ARHGAP39: variants seen among roughly 807,000 people sequenced by gnomAD.
ARHGAP39 encodes rho GTPase-activating protein 39.
ARHGAP39 carries 44 observed loss-of-function variants against 106.9 expected under a neutral mutation model. That is an observed-to-expected ratio of 0.41 (90% CI 0.32 to 0.53). The LOEUF is 0.53. Among genes scored for constraint, ARHGAP39 ranks in the 20% least tolerant of loss-of-function variants. The pLI, the probability that ARHGAP39 is intolerant of heterozygous loss-of-function variation, is 0.21. For synonymous variants in ARHGAP39, 768 were observed against 693.2 expected (o/e 1.11, Z -1.69); for missense variants, 1,496 against 1,577.3 (o/e 0.95, Z 0.87).
At chr8:144,697,526 T>G in the ARHGAP39 span, among the ~76,000 whole-genome samples, 1 of 152,154 alleles carries the variant, frequency 6.6e-6, no homozygotes, top group Non-Finnish European at 1.5e-5. Context: ...TTTTTCTTTT[T>G]CTTTTTTTTT....
At chr8:144,676,322 T>C (rs1424347114) in intron 1 of ARHGAP39, among the ~76,000 whole-genome samples, 1 of 152,090 alleles carries the variant, frequency 6.6e-6, no homozygotes, top group Admixed American at 6.5e-5. Flanking sequence ...GCATTTACAA[T>C]ACTTTAGCTA....
chr8:144,589,751 C>T (rs536441630), intron 2 of ARHGAP39, among the ~76,000 whole-genome samples: 9 of 152,372 alleles, frequency 5.9e-5, no homozygotes, highest in Non-Finnish European at 8.8e-5. Context: ...AAGACGAGCT[C>T]GGAGGCCTCC....
rs1017546031 is a variant in ARHGAP39, at chr8:144,591,193, C to T, written c.81-9916G>A. Among the ~76,000 whole-genome samples the T allele has an allele frequency of 1.3e-5, 2 of 152,200 alleles. No homozygotes were observed. Among genetic ancestry groups the T allele is most frequent in the Admixed American group, 6.5e-5 (1 of 15,282 alleles). On this transcript the variant is annotated intron_variant, in intron 2 of 11. Coordinates refer to ENST00000377307, the MANE Select transcript of ARHGAP39 (RefSeq NM_025251.3). This position sits in a 1 kb window ranked among gnomAD's most constrained non-coding sequence, Gnocchi z 5.3. The stretch of plus-strand genomic sequence containing the variant: ...AGCAGGTGCCTTCCCTGTCCATACA[C>T]CTCCTCTCCCCAGCCGGAGCCTGGA...
intron 4 of ARHGAP39, among the ~76,000 whole-genome samples, chr8:144,550,135 A>ATGG (rs1318895152): frequency 6.6e-6 from 1 of 152,056 alleles, no homozygotes; most frequent in East Asian, 1.9e-4. Flanking sequence ...TTAGCCGAAC[A>ATGG]TGGTGGTGTG....
At chr8:144,616,691 G>A (rs1032326021) in intron 1 of ARHGAP39, among the ~76,000 whole-genome samples, 12 of 152,350 alleles carry the variant, frequency 7.9e-5, no homozygotes, top group East Asian at 1.9e-4. Flanking sequence ...ATCCAGGTGC[G>A]GCACAGTGGC....
intron 2 of ARHGAP39, among the ~76,000 whole-genome samples, chr8:144,597,886 C>T (rs746528706): frequency 5.3e-5 from 8 of 152,058 alleles, no homozygotes; most frequent in Admixed American, 6.6e-5. Flanking sequence ...CAACATGCAA[C>T]GGTACCCGGA....
At chr8:144,608,623 C>T (rs900560579) in intron 1 of ARHGAP39, among the ~76,000 whole-genome samples, 7 of 152,186 alleles carry the variant, frequency 4.6e-5, no homozygotes, top group African/African-American at 1.2e-4. Context: ...ATCAGCTTCT[C>T]GATTTCTACA....
intron 1 of ARHGAP39, among the ~76,000 whole-genome samples, chr8:144,619,612 C>G (rs1019946717): frequency 1.5e-5 from 2 of 134,722 alleles, no homozygotes; most frequent in Non-Finnish European, 3.2e-5. Flanking sequence ...GCGTGCATGT[C>G]CGTGTGTGAG....
intron 7 of ARHGAP39, among the ~76,000 whole-genome samples, chr8:144,535,542 G>A (rs536101430): frequency 2.0e-5 from 3 of 152,256 alleles, no homozygotes; most frequent in African/African-American, 7.2e-5. Context: ...AGGAGGGAAT[G>A]AGCTTTGCAG....
chr8:144,533,634 C>T (rs931865221), intron 8 of ARHGAP39, among the ~76,000 whole-genome samples: 1 of 152,250 alleles, frequency 6.6e-6, no homozygotes, highest in South Asian at 2.1e-4. Flanking sequence ...TCACCGTCTA[C>T]AGCACCAGCT....
intron 1 of ARHGAP39, among the ~76,000 whole-genome samples, chr8:144,619,463 T>TGA (rs1820728240): frequency 6.6e-6 from 1 of 151,426 alleles, no homozygotes; most frequent in African/African-American, 2.4e-5. Context: ...CGTGTGCGCG[T>TGA]GAGCTCGTGT....
At position 144,591,161 on chromosome 8, in the gene ARHGAP39, G is replaced by A. The variant is rs1221648763; in HGVS notation, c.81-9884C>T. Among the ~76,000 whole-genome samples, 2 of 152,162 alleles carry A rather than the reference G, an allele frequency of 1.3e-5. No homozygotes were observed. Among genetic ancestry groups the A allele is most frequent in the Non-Finnish European group, 2.9e-5 (2 of 68,012 alleles). The stretch of plus-strand genomic sequence containing the variant: ...TGGGGTGCAAGGCCAGAGGCTCACG[G>A]TCCCCCAGCAGGTGCCTTCCCTGTC... On this transcript the variant is annotated intron_variant, in intron 2 of 11. Coordinates refer to ENST00000377307, the MANE Select transcript of ARHGAP39 (RefSeq NM_025251.3). This position sits in a 1 kb window ranked among gnomAD's most constrained non-coding sequence, Gnocchi z 5.3.
intron 6 of ARHGAP39, 75 bp downstream of exon 6, chr8:144,545,174 C>T: frequency 7.4e-7 from 1 of 1,347,916 alleles, no homozygotes; most frequent in African/African-American, 1.4e-5. Context: ...ACTTCACCAG[C>T]TGCCGCCCAG....
chr8:144,675,869 C>T (rs977959842), intron 1 of ARHGAP39, among the ~76,000 whole-genome samples: 2 of 151,788 alleles, frequency 1.3e-5, no homozygotes, highest in African/African-American at 2.4e-5. Context: ...CCGGTGGGTT[C>T]GTGGTCTTCC....
At position 144,530,332 on chromosome 8, in the gene ARHGAP39, G is replaced by A; in HGVS notation, c.*90C>T. 1 of 1,399,152 alleles carries A rather than the reference G, an allele frequency of 7.1e-7. No individual in the cohort carries two copies. The highest frequency in any genetic ancestry group is 2.5e-5 in the East Asian group (1 of 39,722). 86.7% of individuals were successfully genotyped at this position (1,399,152 alleles called of 1,614,324 possible). ...GGAGGGGGCTCCAGGGCTGGGCCGG[G>A]CGATTCTGGCCCCTCTGCCGGGAGA... On this transcript the variant is annotated 3_prime_UTR_variant, in exon 12 of 12. Transcript: ENST00000377307.
the ARHGAP39 span, chr8:144,698,605 G>GTTTTT: frequency 3.8e-6 from 1 of 262,642 alleles, no homozygotes; most frequent in Non-Finnish European, 7.6e-6. Context: ...TCTCTAATCT[G>GTTTTT]TTTTTTTTTT....
At chr8:144,546,054 G>A (rs1486862871) in intron 5 of ARHGAP39, among the ~76,000 whole-genome samples, 5 of 152,326 alleles carry the variant, frequency 3.3e-5, no homozygotes, top group Non-Finnish European at 4.4e-5. Flanking sequence ...GCCTGCTGAT[G>A]GGTGACCCAG....
At chr8:144,545,900 T>C in intron 5 of ARHGAP39, 90 bp from the exon 6 acceptor site, 4 of 1,252,628 alleles carry the variant, frequency 3.2e-6, no homozygotes, top group South Asian at 1.6e-5. Context: ...AAGTGTGAGC[T>C]GGGGCCCCAC....
chr8:144,620,551 G>A lies in ARHGAP39; in HGVS notation c.-81-14856C>T, dbSNP rs1051711507. Among the ~76,000 whole-genome samples the A allele has an allele frequency of 1.1e-4, 16 of 145,806 alleles. 1 individual carries two copies. Among genetic ancestry groups the A allele is most frequent in the Admixed American group, 7.3e-4 (11 of 15,150 alleles). On this transcript the variant is annotated intron_variant, in intron 1 of 11. Transcript: ENST00000377307. Reference sequence around the variant, plus strand: ...TGTGTCCCTGAGAGCATATATGCCCGTGTGCGTGAGCTTGTGTGTCCATGA... The same window carrying A: ...TGTGTCCCTGAGAGCATATATGCCCATGTGCGTGAGCTTGTGTGTCCATGA...
Sources: allele counts gnomAD v4.1 joint callset (sites outside exome capture counted in the v4.1 genomes callset), GRCh38; gene constraint gnomAD v4.1.1; non-coding constraint Gnocchi (gnomAD v3.1); transcripts MANE v1.5; gene names NCBI Gene and HGNC (gene_info 2026-07-23, HGNC 2026-07-21).